Variants in SMAD3 observed in about 807,000 individuals in gnomAD.
SMAD3 encodes the protein MAD homolog 3.
In SMAD3, 12 loss-of-function variants were observed where a neutral mutation model predicts 51.8. The ratio of observed to expected loss-of-function variants is 0.23; its 90% CI spans 0.15 to 0.38. The LOEUF (loss-of-function observed/expected upper bound fraction) is 0.38. Ranked by LOEUF, SMAD3 falls within the 10% of genes least tolerant of loss-of-function variation. The probability of loss-of-function intolerance (pLI) is 1.00; values close to 1 mark genes in which losing one functional copy is unlikely to be tolerated. For synonymous variants in SMAD3, 238 were observed against 227.7 expected (o/e 1.05, Z -0.41); for missense variants, 294 against 565.6 (o/e 0.52, Z 4.87).
At chr15:67,116,519 G>T (rs560282228) in intron 1 of SMAD3, among the ~76,000 whole-genome samples, 163 of 152,344 alleles carry the variant, frequency 1.1e-3, no homozygotes, top group African/African-American at 3.7e-3. Context: ...AATGACTGAC[G>T]TGCTGAGCAA....
At chr15:67,135,281 G>C (rs575111457) in intron 1 of SMAD3, among the ~76,000 whole-genome samples, 58 of 152,258 alleles carry the variant, frequency 3.8e-4, no homozygotes, top group African/African-American at 1.3e-3. Flanking sequence ...TCTCACCCTG[G>C]GTCCCAGCCT....
chr15:67,165,128 G>C, intron 2 of SMAD3, 40 bp downstream of exon 2: 1 of 1,612,230 alleles, frequency 6.2e-7, no homozygotes, highest in Non-Finnish European at 8.5e-7. Context: ...GCAGGTGCCA[G>C]GGGTCATCAC....
chr15:67,084,542 CATT>C (rs1208286096), intron 1 of SMAD3, among the ~76,000 whole-genome samples: 2 of 152,164 alleles, frequency 1.3e-5, no homozygotes, highest in African/African-American at 4.8e-5. Context: ...ATTGTATTAT[CATT>C]GTTGTTTAAT....
intron 1 of SMAD3, among the ~76,000 whole-genome samples, chr15:67,147,501 C>A (rs1465419679): frequency 2.0e-5 from 3 of 152,090 alleles, no homozygotes. Flanking sequence ...GGGTAAATGC[C>A]ATCCTTTCCT....
intron 1 of SMAD3, among the ~76,000 whole-genome samples, chr15:67,129,773 A>G (rs545947715): frequency 6.6e-6 from 1 of 152,332 alleles, no homozygotes; most frequent in African/African-American, 2.4e-5. Context: ...GCATATACTC[A>G]AATATAAAGA....
At chr15:67,133,569 A>G (rs1287930376) in intron 1 of SMAD3, among the ~76,000 whole-genome samples, 16 of 152,166 alleles carry the variant, frequency 1.1e-4, no homozygotes. Context: ...GTGACCCCCA[A>G]AATGAATGTA....
In SMAD3 at chr15:67,166,901, G is replaced by A. The variant is rs367547277; in HGVS notation, c.607+48G>A. On this transcript the variant is annotated intron_variant, in intron 4 of 8. Coordinates refer to ENST00000327367, the MANE Select transcript of SMAD3 (RefSeq NM_005902.4). Reference sequence around the variant, plus strand: ...CTTATTCTTAACTGATTAGCAGCTGGTGGGTTCATCCCTTCCATCCCTTCC... The same window carrying A: ...CTTATTCTTAACTGATTAGCAGCTGATGGGTTCATCCCTTCCATCCCTTCC... The A allele has an allele frequency of 1.0e-4, 149 of 1,446,278 alleles. 1 individual carries two copies. In the African/African-American group the frequency reaches 1.9e-3, roughly 18 times the overall value. 89.6% of individuals were successfully genotyped at this position (1,446,278 alleles called of 1,614,324 possible). A position where few individuals can be genotyped will look rare whatever the true frequency, so the allele number is the denominator to read the frequency against.
intron 1 of SMAD3, among the ~76,000 whole-genome samples, chr15:67,072,399 A>G (rs1415664162): frequency 6.6e-6 from 1 of 152,066 alleles, no homozygotes; most frequent in Non-Finnish European, 1.5e-5. Flanking sequence ...ACCTTTATTC[A>G]CCTCTCCTTC....
chr15:67,106,090 T>TG (rs1283261717), intron 1 of SMAD3, among the ~76,000 whole-genome samples: 5 of 152,158 alleles, frequency 3.3e-5, no homozygotes, highest in Non-Finnish European at 4.4e-5. Flanking sequence ...TTTCCACTGC[T>TG]GCTTCCTCAC....
At chr15:67,091,415 A>G (rs987775355) in intron 1 of SMAD3, among the ~76,000 whole-genome samples, 1 of 152,216 alleles carries the variant, frequency 6.6e-6, no homozygotes, top group Admixed American at 6.5e-5. Context: ...GCGGTGATAC[A>G]TGATGTGACC....
intron 1 of SMAD3, among the ~76,000 whole-genome samples, chr15:67,111,264 G>T (rs1048748806): frequency 6.6e-6 from 1 of 152,126 alleles, no homozygotes; most frequent in Non-Finnish European, 1.5e-5. Context: ...TTTTGTGTTT[G>T]ACTTCTTTCA....
intron 1 of SMAD3, among the ~76,000 whole-genome samples, chr15:67,127,299 T>A (rs1961413279): frequency 6.6e-6 from 1 of 152,098 alleles, no homozygotes; most frequent in African/African-American, 2.4e-5. Flanking sequence ...CTGCAGTGCC[T>A]CCCCCTGTAA....
At position 67,191,358 on chromosome 15, in the gene SMAD3, A is replaced by T. The variant is rs1963360952; in HGVS notation, c.*822A>T. Reference sequence around the variant, plus strand: ...CGAATGACGGTAAGTGTTCTCATGAAGCAGGAGGCCCTTGTCGTGGGATGG... The same window carrying T: ...CGAATGACGGTAAGTGTTCTCATGATGCAGGAGGCCCTTGTCGTGGGATGG... On this transcript the variant is annotated 3_prime_UTR_variant, in exon 9 of 9. Transcript: ENST00000327367. The T allele has an allele frequency of 4.3e-6, 1 of 233,366 alleles. No homozygotes were observed. The highest frequency in any genetic ancestry group is 8.5e-6 in the Non-Finnish European group (1 of 118,090). 14.5% of individuals were successfully genotyped at this position (233,366 alleles called of 1,614,324 possible). A position where few individuals can be genotyped will look rare whatever the true frequency, so the allele number is the denominator to read the frequency against.
chr15:67,143,024 C>T (rs1961874779), intron 1 of SMAD3: 1 of 243,336 alleles, frequency 4.1e-6, no homozygotes, highest in South Asian at 3.4e-5. Flanking sequence ...GCTCTCCGTG[C>T]ACCAGCCCTG....
chr15:67,115,510 T>C (rs1961115203), intron 1 of SMAD3, among the ~76,000 whole-genome samples: 1 of 152,220 alleles, frequency 6.6e-6, no homozygotes, highest in East Asian at 1.9e-4. Context: ...CTCAGAGCCG[T>C]GCTGGTTGCC....
intron 1 of SMAD3, among the ~76,000 whole-genome samples, chr15:67,066,988 A>C (rs139648739): frequency 6.6e-6 from 1 of 152,166 alleles, no homozygotes; most frequent in Non-Finnish European, 1.5e-5. Context: ...GCATGCACGC[A>C]CTTTGGTTGC....
rs1197695967 is a variant in SMAD3 at position 67,183,021 on chromosome 15, ATATATATATATTTT to A, written c.871+1570_871+1583del. Among the ~76,000 whole-genome samples, 209 of 73,330 alleles carry A rather than the reference ATATATATATATTTT, an allele frequency of 2.9e-3. 4 individuals are homozygous for A. The East Asian group carries it at 0.046, about 16-fold the overall frequency. The allele number at this position is 73,330 out of a possible 152,430, so 48.1% of individuals were successfully genotyped here. On this transcript the variant is annotated intron_variant, in intron 6 of 8. Coordinates refer to ENST00000327367, the MANE Select transcript of SMAD3 (RefSeq NM_005902.4). ...AAAAAATATATATATATATATATAT[ATATATATATATTTT>A]TTTTTTTTTTTTTTTTGGAGCGGGG...
At chr15:67,149,544 T>TG (rs1162715031) in intron 1 of SMAD3, among the ~76,000 whole-genome samples, 5 of 152,202 alleles carry the variant, frequency 3.3e-5, no homozygotes, top group African/African-American at 1.2e-4. Context: ...TTGTTAAGTG[T>TG]GGGCCTGGCT....
chr15:67,068,969 G>T (rs549170604), intron 1 of SMAD3, among the ~76,000 whole-genome samples: 21 of 151,858 alleles, frequency 1.4e-4, no homozygotes, highest in Admixed American at 3.3e-4. Flanking sequence ...CCCCCTGTGT[G>T]TGGGGGGTTG....
Sources: allele counts gnomAD v4.1 joint callset (sites outside exome capture counted in the v4.1 genomes callset), GRCh38; gene constraint gnomAD v4.1.1; transcripts MANE v1.5; gene names NCBI Gene and HGNC (gene_info 2026-07-23, HGNC 2026-07-21).